The following CHSY1 variants were observed in gnomAD, a reference collection of about 807,000 sequenced individuals.
CHSY1 encodes the protein N-acetylgalactosaminyl-proteoglycan 3-beta-glucuronosyltransferase 1.
Under a neutral mutation model 59.8 loss-of-function variants are expected in CHSY1, and 13 were observed. The observed-to-expected ratio is 0.22, with a 90% CI of 0.14 to 0.35. The LOEUF (loss-of-function observed/expected upper bound fraction) is 0.35. Ranked by LOEUF, CHSY1 falls within the 10% of genes least tolerant of loss-of-function variation. CHSY1 has a pLI of 1.00. For synonymous variants in CHSY1, 459 were observed against 401.2 expected, an observed-to-expected ratio of 1.14 and a Z score of -1.72; for missense variants, 947 against 1,030.6, an observed-to-expected ratio of 0.92 and a Z score of 1.11.
At chr15:101,232,533 T>A (rs1291212828) in intron 2 of CHSY1, among the ~76,000 whole-genome samples, 1 of 152,214 alleles carries the variant, frequency 6.6e-6, no homozygotes, top group Non-Finnish European at 1.5e-5. Flanking sequence ...TTCAAACATG[T>A]AAGAAAACAT....
In CHSY1 at chr15:101,178,228, C is replaced by T. The variant is rs1380250969; in HGVS notation, c.1569G>A (p.Lys523=). The change falls in exon 3 of 3, where the codon AAG becomes AAA. Residue 523 remains lysine (K), a synonymous_variant. Transcript: ENST00000254190. ...KLVPFQLPGS[K]SEHKEPKDKK... ...TATCTTTGGGTTCTTTGTGCTCACT[C>T]TTCGACCCAGGGAGCTGAAAGGGGA... The T allele has an allele frequency of 6.2e-7, 1 of 1,614,128 alleles. No homozygotes were observed. Among genetic ancestry groups the T allele is most frequent in the African/African-American group, 1.3e-5 (1 of 74,958 alleles).
chr15:101,182,174 T>C lies in CHSY1; in HGVS notation c.817-3194A>G, dbSNP rs2038289485. On this transcript the variant is annotated intron_variant, in intron 2 of 2. Transcript: ENST00000254190. ...TTCTTGTAATATTATGACTTTTCTG[T>C]TTCTTGGGAACCATTCAGCATGGTT... 2.6e-5 allele frequency among the ~76,000 whole-genome samples: 4 copies of C among 152,210 alleles called. No individual in the cohort carries two copies. The South Asian group carries it at 6.2e-4, about 24-fold the overall frequency.
intron 2 of CHSY1, among the ~76,000 whole-genome samples, chr15:101,184,532 T>C (rs1165720373): frequency 1.3e-5 from 2 of 151,958 alleles, no homozygotes; most frequent in African/African-American, 4.8e-5. Context: ...TATTTTTTTG[T>C]AGAGATGGGG....
intron 1 of CHSY1, among the ~76,000 whole-genome samples, chr15:101,237,849 A>C (rs8038714): frequency 0.33 from 50,199 of 152,198 alleles, 11,893 homozygotes; most frequent in African/African-American, 0.68. Flanking sequence ...ATCTTAAAAT[A>C]AAAAAAGCAG....
rs79342181 is a variant in CHSY1 at position 101,243,423 on chromosome 15, C to T, written c.320+7714G>A. The stretch of plus-strand genomic sequence containing the variant: ...TATCGTTTAATGCAAACAATTAAAC[C>T]ACCCTGAACTTGTTCTGGCCGACCA... On this transcript the variant is annotated intron_variant, in intron 1 of 2. Transcript: ENST00000254190. Among the ~76,000 whole-genome samples, 587 of 152,250 alleles carry T rather than the reference C, an allele frequency of 3.9e-3. 4 individuals are homozygous for T. The highest frequency in any genetic ancestry group is 0.013 in the African/African-American group (536 of 41,546).
At position 101,178,645 on chromosome 15, in the gene CHSY1, C is replaced by A. The variant is rs149429037; in HGVS notation, c.1152G>T (p.Leu384Phe). ...GGGGCTGGCCGTCAACTGCCGAATA[C>A]AAGTATTTTCCAGTCAGAAACTCCC... ...LEWEFLTGKY[L>F]YSAVDGQPPR... Residue 384 changes from leucine (L) to phenylalanine (F), a missense_variant, in exon 3 of 3, where the codon TTG (leucine) becomes TTT (phenylalanine). Physicochemically the swap from Leu to Phe is conservative, Grantham distance 22. Around this residue, in one of 4 missense-constraint regions of CHSY1, gnomAD observed 602 missense variants for 676.9 expected, o/e 0.89. Coordinates refer to ENST00000254190, the MANE Select transcript of CHSY1 (RefSeq NM_014918.5). 1.2e-6 allele frequency: 2 copies of A among 1,614,214 alleles called. No individual in the cohort carries two copies. Among genetic ancestry groups the A allele is most frequent in the Admixed American group, 3.3e-5 (2 of 60,030 alleles).
intron 2 of CHSY1, among the ~76,000 whole-genome samples, chr15:101,217,723 G>C (rs1567099565): frequency 6.6e-6 from 1 of 152,146 alleles, no homozygotes; most frequent in African/African-American, 2.4e-5. Flanking sequence ...ATACGCATGG[G>C]GCCATATTGA....
chr15:101,235,194 A>G lies in CHSY1; in HGVS notation c.704T>C (p.Met235Thr). 1 of 1,613,838 alleles carries G rather than the reference A, an allele frequency of 6.2e-7. No homozygotes were observed. The highest frequency in any genetic ancestry group is 8.5e-7 in the Non-Finnish European group (1 of 1,179,858). Residue 235 changes from methionine to threonine, a missense_variant, in exon 2 of 3, where the codon ATG becomes ACG. Physicochemically the swap from Met to Thr is moderately conservative, Grantham distance 81 (BLOSUM62 -1). Coordinates refer to ENST00000254190, the MANE Select transcript of CHSY1 (RefSeq NM_014918.5). ...VIMSREVLRR[M>T]VPHIGKCLRE... ...GAGACACTTGCCAATGTGCGGCACC[A>G]TTCTCCGAAGCACCTCCCGGCTCAT...
chr15:101,201,101 T>C (rs569747337), intron 2 of CHSY1, among the ~76,000 whole-genome samples: 83 of 108,294 alleles, frequency 7.7e-4, no homozygotes, highest in Non-Finnish European at 1.3e-3. Flanking sequence ...AGTGTGTCTA[T>C]AGGTGGGGGC....
At chr15:101,193,416 T>G (rs1183471867) in intron 2 of CHSY1, among the ~76,000 whole-genome samples, 1 of 152,232 alleles carries the variant, frequency 6.6e-6, no homozygotes, top group African/African-American at 2.4e-5. Context: ...TGGAGCAGAC[T>G]GAAGAATACG....
intron 2 of CHSY1, among the ~76,000 whole-genome samples, chr15:101,200,416 A>G (rs1193813143): frequency 6.6e-6 from 1 of 152,190 alleles, no homozygotes; most frequent in East Asian, 1.9e-4. Flanking sequence ...AAGTCTCCTG[A>G]CTAATTTGGT....
chr15:101,244,054 GA>G (rs1404082057), intron 1 of CHSY1, among the ~76,000 whole-genome samples: 1 of 152,186 alleles, frequency 6.6e-6, no homozygotes, highest in East Asian at 1.9e-4. Flanking sequence ...TAATCATCCA[GA>G]AAATGTATTT....
At chr15:101,184,367 G>A (rs1348310081) in intron 2 of CHSY1, among the ~76,000 whole-genome samples, 1 of 151,508 alleles carries the variant, frequency 6.6e-6, no homozygotes, top group East Asian at 1.9e-4. Context: ...AAATAAATGT[G>A]TTACATATAT....
Position 101,235,567 on chromosome 15 carries a change from T to C in CHSY1, c.331A>G (p.Lys111Glu), listed in dbSNP as rs148660377. 4 of 1,609,870 alleles carry C rather than the reference T, an allele frequency of 2.5e-6. No individual in the cohort carries two copies. The highest frequency in any genetic ancestry group is 3.4e-6 in the Non-Finnish European group (4 of 1,179,960). The change falls in exon 2 of 3, where the codon AAG becomes GAG. Residue 111 changes from lysine (K) to glutamate (E), a missense_variant. Physicochemically the swap from Lys to Glu is moderately conservative, Grantham distance 56 (BLOSUM62 1). Transcript: ENST00000254190. ...RAVAAYRTWS[K>E]TIPGKVQFFS... The stretch of plus-strand genomic sequence containing the variant: ...AACTGAACTTTCCCAGGAATTGTCT[T>C]GGACCATGTTCTGGAATTAAAATAA...
intron 2 of CHSY1, among the ~76,000 whole-genome samples, chr15:101,224,592 G>A (rs771848891): frequency 6.6e-6 from 1 of 152,218 alleles, no homozygotes; most frequent in African/African-American, 2.4e-5. Flanking sequence ...CACCTGCCAA[G>A]TCTGGGGCCT....
chr15:101,248,606 G>A (rs1596457813), intron 1 of CHSY1, among the ~76,000 whole-genome samples: 1 of 152,236 alleles, frequency 6.6e-6, no homozygotes, highest in East Asian at 1.9e-4. Context: ...CTGTGTTTCT[G>A]CTTTCCCCTA....
intron 1 of CHSY1, among the ~76,000 whole-genome samples, chr15:101,250,070 A>G (rs1359303527): frequency 2.0e-5 from 3 of 152,218 alleles, no homozygotes; most frequent in Admixed American, 1.3e-4. Context: ...AAATCTGACC[A>G]AGACTGCATT....
At chr15:101,184,005 T>C (rs371092836) in intron 2 of CHSY1, among the ~76,000 whole-genome samples, 66 of 152,372 alleles carry the variant, frequency 4.3e-4, no homozygotes, top group Admixed American at 1.6e-3. Flanking sequence ...AGAGATGATA[T>C]AGTGGTCACC....
intron 2 of CHSY1, among the ~76,000 whole-genome samples, chr15:101,230,320 G>T (rs2038881364): frequency 6.6e-6 from 1 of 152,116 alleles, no homozygotes; most frequent in South Asian, 2.1e-4. Flanking sequence ...TGGTTCTCAG[G>T]CCTGCGAGTT....
Sources: gnomAD v4.1 joint callset for allele counts (sites outside exome capture counted in the v4.1 genomes callset) on GRCh38, gnomAD v4.1.1 for gene constraint, gnomAD v4.1.1 regional missense constraint, MANE v1.5 for transcripts, NCBI Gene and HGNC (gene_info 2026-07-23, HGNC 2026-07-21) for gene names.